The following PCGF5 variants were observed in gnomAD, a reference collection of about 807,000 sequenced individuals.
The protein encoded by PCGF5 is polycomb group ring finger 5.
Under a neutral mutation model 44.3 loss-of-function variants are expected in PCGF5, and 9 were observed. The observed-to-expected ratio is 0.20, with a 90% CI of 0.12 to 0.35. PCGF5 has a LOEUF of 0.35. Among genes scored for constraint, PCGF5 ranks in the 10% least tolerant of loss-of-function variants. The probability of loss-of-function intolerance (pLI) is 1.00; values close to 1 mark genes in which losing one functional copy is unlikely to be tolerated. For synonymous variants in PCGF5, 95 were observed against 102.5 expected, an observed-to-expected ratio of 0.93 and a Z score of 0.44; for missense variants, 146 against 305.3, an observed-to-expected ratio of 0.48 and a Z score of 3.89.
At position 91,248,735 on chromosome 10, in the gene PCGF5, C is replaced by A. The variant is rs767742242; in HGVS notation, c.325+11C>A. The A allele has an allele frequency of 6.2e-7, 1 of 1,600,022 alleles. No homozygotes were observed. Among genetic ancestry groups the A allele is most frequent in the Non-Finnish European group, 8.5e-7 (1 of 1,171,392 alleles). ...AAGAAAATGGACAAGGTGACTTTTT[C>A]TTATGTCTGTTTCTGACAGCACCTC... is the stretch of plus-strand genomic sequence containing the variant. On this transcript the variant is annotated intron_variant, in intron 5 of 9. Transcript: ENST00000336126.
intron 1 of PCGF5, among the ~76,000 whole-genome samples, chr10:91,169,081 A>G (rs1178814822): frequency 6.6e-6 from 1 of 152,122 alleles, no homozygotes; most frequent in Non-Finnish European, 1.5e-5. Flanking sequence ...AGCAGGAGAG[A>G]TAGGATAGGG....
At chr10:91,205,087 T>C (rs1415042545) in intron 1 of PCGF5, among the ~76,000 whole-genome samples, 1 of 152,230 alleles carries the variant, frequency 6.6e-6, no homozygotes, top group Admixed American at 6.5e-5. Flanking sequence ...CTAATTCTTA[T>C]GGTCCAGTGA....
intron 1 of PCGF5, among the ~76,000 whole-genome samples, chr10:91,222,026 T>TG (rs1844696311): frequency 6.6e-6 from 1 of 151,808 alleles, no homozygotes; most frequent in Non-Finnish European, 1.5e-5. Context: ...GGGAGAGGAG[T>TG]GATCCCTTCA....
At chr10:91,194,195 G>A (rs12416527) in intron 1 of PCGF5, among the ~76,000 whole-genome samples, 32,063 of 152,058 alleles carry the variant, frequency 0.21, 3,760 homozygotes, top group East Asian at 0.49. Context: ...AAATGTGAAT[G>A]TGTCACTTTA....
chr10:91,256,768 A>C (rs1018273483), intron 6 of PCGF5, among the ~76,000 whole-genome samples: 8 of 152,084 alleles, frequency 5.3e-5, no homozygotes, highest in Non-Finnish European at 1.2e-4. Context: ...GGAGGATAGA[A>C]GGCAATAGGA....
intron 1 of PCGF5, among the ~76,000 whole-genome samples, chr10:91,191,070 G>T (rs570555413): frequency 3.9e-5 from 6 of 152,102 alleles, no homozygotes; most frequent in Non-Finnish European, 7.3e-5. Context: ...CCCCTAGTGG[G>T]TGCCTGATAC....
chr10:91,247,621 T>C (rs1845501261), intron 3 of PCGF5, among the ~76,000 whole-genome samples: 1 of 151,574 alleles, frequency 6.6e-6, no homozygotes, highest in African/African-American at 2.4e-5. Context: ...GAGAATGGGA[T>C]TGAAGACAAA....
chr10:91,159,651 T>C (rs144577010), upstream of PCGF5, among the ~76,000 whole-genome samples: 233 of 152,372 alleles, frequency 1.5e-3, no homozygotes, highest in African/African-American at 5.4e-3. Context: ...TATGGTAGTT[T>C]GTTATGGCAG....
intron 1 of PCGF5, among the ~76,000 whole-genome samples, chr10:91,172,776 C>A (rs559753037): frequency 6.6e-6 from 1 of 152,132 alleles, no homozygotes; most frequent in Non-Finnish European, 1.5e-5. Flanking sequence ...GAAAGGTTTG[C>A]GCATAGGTCC....
At chr10:91,247,136 G>A (rs1845487896) in intron 3 of PCGF5, among the ~76,000 whole-genome samples, 1 of 151,848 alleles carries the variant, frequency 6.6e-6, no homozygotes, top group Non-Finnish European at 1.5e-5. Flanking sequence ...TTTAAAAGTA[G>A]CTGGGAAAAA....
At chr10:91,212,147 C>G (rs1844464573) in intron 1 of PCGF5, among the ~76,000 whole-genome samples, 1 of 152,094 alleles carries the variant, frequency 6.6e-6, no homozygotes, top group African/African-American at 2.4e-5. Flanking sequence ...AGAGCTCATT[C>G]CATTGTTAGT....
chr10:91,211,859 T>C (rs180843750), intron 1 of PCGF5, among the ~76,000 whole-genome samples: 26 of 152,172 alleles, frequency 1.7e-4, no homozygotes, highest in African/African-American at 5.8e-4. Flanking sequence ...AGAGCTTATC[T>C]GGAACCAGGC....
At chr10:91,273,396 A>G (rs1048997814) in intron 9 of PCGF5, among the ~76,000 whole-genome samples, 5 of 152,246 alleles carry the variant, frequency 3.3e-5, no homozygotes, top group African/African-American at 7.2e-5. Context: ...TTCCTTAGAA[A>G]TGAAGATGTC....
intron 2 of PCGF5, among the ~76,000 whole-genome samples, chr10:91,235,067 T>G (rs764736985): frequency 6.6e-6 from 1 of 152,220 alleles, no homozygotes; most frequent in Admixed American, 6.5e-5. Context: ...ACCCTAACGA[T>G]GGTACTAGTC....
At chr10:91,229,870 G>A (rs969405391) in intron 2 of PCGF5, among the ~76,000 whole-genome samples, 1 of 152,080 alleles carries the variant, frequency 6.6e-6, no homozygotes, top group Non-Finnish European at 1.5e-5. Context: ...AATGTTTTAA[G>A]ATATACTAGA....
At chr10:91,205,600 C>G (rs1443583094) in intron 1 of PCGF5, among the ~76,000 whole-genome samples, 2 of 152,214 alleles carry the variant, frequency 1.3e-5, no homozygotes, top group African/African-American at 4.8e-5. Context: ...CTCTATCCAT[C>G]AAACACCTAG....
At chr10:91,160,493 T>C (rs541684780), upstream of PCGF5, among the ~76,000 whole-genome samples, 12 of 152,280 alleles carry the variant, frequency 7.9e-5, 1 homozygote, top group South Asian at 2.5e-3. Flanking sequence ...GTTTGTAAAA[T>C]ATCTACTACA....
intron 2 of PCGF5, among the ~76,000 whole-genome samples, chr10:91,228,386 A>G (rs1332632408): frequency 1.3e-5 from 2 of 152,144 alleles, no homozygotes; most frequent in East Asian, 3.9e-4. Context: ...TTCCTCAGAA[A>G]AAAAAAGGAT....
intron 1 of PCGF5, among the ~76,000 whole-genome samples, chr10:91,200,419 G>C (rs1156911927): frequency 6.6e-6 from 1 of 152,190 alleles, no homozygotes. Context: ...AAGAACAGGG[G>C]ATGTAGCCCC....
Sources: gnomAD v4.1 joint callset for allele counts (sites outside exome capture counted in the v4.1 genomes callset) on GRCh38, gnomAD v4.1.1 for gene constraint, MANE v1.5 for transcripts, NCBI Gene and HGNC (gene_info 2026-07-23, HGNC 2026-07-21) for gene names.